The following WDR27 variants were observed in gnomAD, a reference collection of about 807,000 sequenced individuals.
WDR27 encodes the protein WD repeat-containing protein 27.
Under a neutral mutation model 114.4 loss-of-function variants are expected in WDR27, and 100 were observed. That is an observed-to-expected ratio of 0.87 (90% confidence interval 0.74 to 1.03). The LOEUF (loss-of-function observed/expected upper bound fraction) is 1.03. Among genes scored for constraint, WDR27 ranks in the 50% least tolerant of loss-of-function variants. The pLI, the probability that WDR27 is intolerant of heterozygous loss-of-function variation, is 0.00. For missense variants in WDR27, 1,129 were observed against 1,092.9 expected (o/e 1.03, Z -0.47); for synonymous variants, 449 against 423.1 (o/e 1.06, Z -0.75).
intron 17 of WDR27, among the ~76,000 whole-genome samples, chr6:169,638,864 T>C (rs1274691871): frequency 1.3e-5 from 2 of 152,254 alleles, no homozygotes; most frequent in African/African-American, 4.8e-5. Context: ...AGAGACTCAG[T>C]GTGGCTTCTG....
chr6:169,653,491 CTT>C (rs992576628), intron 13 of WDR27, among the ~76,000 whole-genome samples: 7 of 152,104 alleles, frequency 4.6e-5, no homozygotes, highest in African/African-American at 1.7e-4. Flanking sequence ...AAAAATCAGT[CTT>C]TACCACATAA....
chr6:169,629,113 A>G (rs1815639773), intron 21 of WDR27, among the ~76,000 whole-genome samples: 3 of 152,202 alleles, frequency 2.0e-5, no homozygotes, highest in Admixed American at 6.5e-5. Context: ...AATCACACCA[A>G]ATAGCATCAT....
At chr6:169,555,161 G>T (rs763663959) in intron 25 of WDR27, among the ~76,000 whole-genome samples, 2 of 152,206 alleles carry the variant, frequency 1.3e-5, no homozygotes, top group Non-Finnish European at 2.9e-5. Context: ...GGTTTACAAT[G>T]TGATGCCCGG....
At chr6:169,608,909 G>A (rs1223630275) in intron 22 of WDR27, among the ~76,000 whole-genome samples, 3 of 152,182 alleles carry the variant, frequency 2.0e-5, no homozygotes, top group Admixed American at 6.5e-5. Flanking sequence ...TACAATGGGG[G>A]TACAGGCATT....
chr6:169,506,647 C>T (rs531545061), intron 25 of WDR27, among the ~76,000 whole-genome samples: 1 of 152,312 alleles, frequency 6.6e-6, no homozygotes, highest in East Asian at 1.9e-4. Context: ...TACAGATTAG[C>T]TGTACACCTA....
chr6:169,483,640 C>T (rs955223467), intron 25 of WDR27, among the ~76,000 whole-genome samples: 1 of 152,094 alleles, frequency 6.6e-6, no homozygotes, highest in African/African-American at 2.4e-5. Context: ...AGGGACTCCT[C>T]CCCAACTCAT....
intron 25 of WDR27, among the ~76,000 whole-genome samples, chr6:169,525,143 T>C (rs951626313): frequency 1.3e-5 from 2 of 152,058 alleles, no homozygotes; most frequent in Non-Finnish European, 2.9e-5. Flanking sequence ...AAAGAAGACA[T>C]ACAAGTAGCT....
At chr6:169,553,801 G>A (rs1798515140) in intron 25 of WDR27, among the ~76,000 whole-genome samples, 1 of 152,140 alleles carries the variant, frequency 6.6e-6, no homozygotes, top group Non-Finnish European at 1.5e-5. Flanking sequence ...CCGTTCACAT[G>A]TTCATAATAT....
the WDR27 span, among the ~76,000 whole-genome samples, chr6:169,427,333 C>G: frequency 6.6e-6 from 1 of 152,276 alleles, no homozygotes; most frequent in South Asian, 2.1e-4. Flanking sequence ...GATGACTGGG[C>G]TGAGAGACAG....
chr6:169,458,833 CTG>C (rs1055502301), intron 25 of WDR27, among the ~76,000 whole-genome samples: 5 of 150,782 alleles, frequency 3.3e-5, no homozygotes, highest in African/African-American at 4.9e-5. Flanking sequence ...AAGAAAGTGA[CTG>C]TGCATACCAC....
intron 25 of WDR27, among the ~76,000 whole-genome samples, chr6:169,500,234 C>T (rs1790973279): frequency 6.6e-6 from 1 of 152,094 alleles, no homozygotes; most frequent in Admixed American, 6.5e-5. Flanking sequence ...ACCAGTTTGG[C>T]CTATGTGGAA....
At chr6:169,651,694 G>A (rs1009168070) in intron 14 of WDR27, among the ~76,000 whole-genome samples, 18 of 152,116 alleles carry the variant, frequency 1.2e-4, no homozygotes, top group Admixed American at 5.2e-4. Context: ...AAAAGGACTC[G>A]GAGGACTGCT....
chr6:169,588,998 G>A (rs1158950042), intron 23 of WDR27, among the ~76,000 whole-genome samples: 1 of 152,154 alleles, frequency 6.6e-6, no homozygotes, highest in African/African-American at 2.4e-5. Flanking sequence ...TATTTCACTA[G>A]GCTGCCAAAG....
At chr6:169,438,947 G>A in the WDR27 span, among the ~76,000 whole-genome samples, 4 of 151,988 alleles carry the variant, frequency 2.6e-5, no homozygotes, top group Non-Finnish European at 4.4e-5. Context: ...TAATCACTCT[G>A]ATTAAATAAT....
intron 8 of WDR27, 105 bp downstream of exon 8, chr6:169,664,061 C>T (rs751349985): frequency 1.5e-4 from 164 of 1,108,964 alleles, no homozygotes; most frequent in Non-Finnish European, 1.9e-4. Context: ...GCTTCTCCTA[C>T]ATTGGGATCT....
In WDR27 at chr6:169,665,685, A is replaced by G. The variant is rs1302247612; in HGVS notation, c.713-129T>C. On this transcript the variant is annotated intron_variant, in intron 6 of 25. Coordinates refer to ENST00000448612, the MANE Select transcript of WDR27 (RefSeq NM_182552.5). ...CAGTATTTCTGTTAGTCAAGTTTGA[A>G]CTATTCCAAAATAATTTCTTCACCA... 3 of 885,692 alleles carry G rather than the reference A, an allele frequency of 3.4e-6. No individual in the cohort carries two copies. The Admixed American group carries it at 9.5e-5, about 28-fold the overall frequency. The allele number at this position is 885,692 out of a possible 1,614,324, so 54.9% of individuals were successfully genotyped here.
rs58393881 is a variant in WDR27 at position 169,459,531 on chromosome 6, A to ATG, written c.2646-1899_2646-1898dup. 4.7e-3 allele frequency among the ~76,000 whole-genome samples: 721 copies of ATG among 151,790 alleles called. 7 individuals carry two copies. The highest frequency in any genetic ancestry group is 0.017 in the African/African-American group (693 of 41,476). ...ATTTGATTTTATGAAATGGCTATAA[A>ATG]TGTATATATATACATTTATATATGT... is the stretch of plus-strand genomic sequence containing the variant. On this transcript the variant is annotated intron_variant, in intron 25 of 25. Transcript: ENST00000448612.
Position 169,537,438 on chromosome 6 carries a change from A to G in WDR27, c.2645+34981T>C, listed in dbSNP as rs561555891. On this transcript the variant is annotated intron_variant, in intron 25 of 25. Transcript: ENST00000448612. Reference sequence around the variant, plus strand: ...AGATCTGAAAGACAAGAAGTCATTCATAAGAAAATCTCTGCAAAACCATCC... The same window carrying G: ...AGATCTGAAAGACAAGAAGTCATTCGTAAGAAAATCTCTGCAAAACCATCC... 1.7e-3 allele frequency among the ~76,000 whole-genome samples: 264 copies of G among 152,364 alleles called. 1 individual carries two copies. Among genetic ancestry groups the G allele is most frequent in the Non-Finnish European group, 3.0e-3 (201 of 68,032 alleles).
chr6:169,664,521 G>A (rs2128280929), intron 7 of WDR27: 3 of 1,387,634 alleles, frequency 2.2e-6, no homozygotes, highest in South Asian at 3.0e-5. Flanking sequence ...CAGGGCACAT[G>A]GGCAGGATCC....
Sources: allele counts gnomAD v4.1 joint callset (sites outside exome capture counted in the v4.1 genomes callset), GRCh38; gene constraint gnomAD v4.1.1; transcripts MANE v1.5; gene names NCBI Gene and HGNC (gene_info 2026-07-23, HGNC 2026-07-21).